The following ANTXR1 variants were observed in gnomAD, a reference collection of about 807,000 sequenced individuals.
ANTXR1 encodes the protein anthrax toxin receptor 1.
ANTXR1 carries 19 observed loss-of-function variants against 78.1 expected under a neutral mutation model. The observed-to-expected ratio is 0.24, with a 90% CI of 0.17 to 0.36. The LOEUF is 0.36. ANTXR1 is among the 10% of genes least tolerant of loss of function. The pLI, the probability that ANTXR1 is intolerant of heterozygous loss-of-function variation, is 1.00. For missense variants in ANTXR1, 518 were observed against 718.6 expected (o/e 0.72, Z 3.19); for synonymous variants, 273 against 260.5 (o/e 1.05, Z -0.46).
chr2:69,019,663 G>T (rs144489054), intron 1 of ANTXR1, among the ~76,000 whole-genome samples: 81 of 152,186 alleles, frequency 5.3e-4, no homozygotes, highest in African/African-American at 2.0e-3. Flanking sequence ...TTGTTGTACA[G>T]ATTATTTCAT....
intron 9 of ANTXR1, among the ~76,000 whole-genome samples, chr2:69,102,546 T>C (rs1671657059): frequency 6.6e-6 from 1 of 152,140 alleles, no homozygotes; most frequent in East Asian, 1.9e-4. Flanking sequence ...CTGGCTAAGA[T>C]TTGAATGGAC....
intron 1 of ANTXR1, 46 bp from the exon 2 acceptor site, chr2:69,039,998 A>T (rs764494656): frequency 6.6e-7 from 1 of 1,503,920 alleles, no homozygotes; most frequent in Non-Finnish European, 9.2e-7. Flanking sequence ...CAAGGTAAAG[A>T]CAAGTAAACA....
At chr2:69,037,897 A>C (rs1273474978) in intron 1 of ANTXR1, among the ~76,000 whole-genome samples, 1 of 152,110 alleles carries the variant, frequency 6.6e-6, no homozygotes, top group Non-Finnish European at 1.5e-5. Flanking sequence ...GGACCCTGGC[A>C]CGCTCCTTCC....
At chr2:69,042,672 A>T (rs1669645248) in intron 2 of ANTXR1, among the ~76,000 whole-genome samples, 1 of 152,172 alleles carries the variant, frequency 6.6e-6, no homozygotes, top group Admixed American at 6.6e-5. Flanking sequence ...ATTTGTCTTT[A>T]AAGACTGGCC....
chr2:69,185,289 C>T (rs1674390182), intron 16 of ANTXR1, among the ~76,000 whole-genome samples: 1 of 152,128 alleles, frequency 6.6e-6, no homozygotes, highest in Admixed American at 6.5e-5. Context: ...GCCTGTAATC[C>T]CAGCATTTTG....
intron 16 of ANTXR1, among the ~76,000 whole-genome samples, chr2:69,189,873 T>C (rs1188855676): frequency 6.6e-6 from 1 of 152,202 alleles, no homozygotes; most frequent in Non-Finnish European, 1.5e-5. Flanking sequence ...TGTTTGACTT[T>C]TTGATAGCTG....
At chr2:69,028,663 G>T (rs531970566) in intron 1 of ANTXR1, among the ~76,000 whole-genome samples, 2 of 152,184 alleles carry the variant, frequency 1.3e-5, no homozygotes, top group African/African-American at 4.8e-5. Flanking sequence ...ATCAATTTTA[G>T]CAAATATATG....
chr2:69,159,309 G>T (rs1040478250), intron 13 of ANTXR1, among the ~76,000 whole-genome samples: 1 of 151,958 alleles, frequency 6.6e-6, no homozygotes, highest in Non-Finnish European at 1.5e-5. Flanking sequence ...ACAGTGACTC[G>T]CACCTATAAT....
intron 12 of ANTXR1, chr2:69,135,142 TA>T (rs1466300850): frequency 3.6e-6 from 1 of 281,072 alleles, no homozygotes; most frequent in African/African-American, 2.2e-5. Flanking sequence ...TTGTAACCCT[TA>T]TATGTATAAA....
chr2:69,069,040 C>A (rs1042730735), intron 3 of ANTXR1, among the ~76,000 whole-genome samples: 6 of 152,254 alleles, frequency 3.9e-5, no homozygotes, highest in South Asian at 4.1e-4. Context: ...TTTCCAAAGT[C>A]TGAGTTACTT....
chr2:69,112,345 G>A (rs1672017827), intron 10 of ANTXR1, among the ~76,000 whole-genome samples: 2 of 152,134 alleles, frequency 1.3e-5, no homozygotes, highest in African/African-American at 4.8e-5. Context: ...GGGTGGAAAG[G>A]ACTTGAACCT....
At chr2:69,193,466 C>T (rs1450811970) in intron 17 of ANTXR1, 51 bp downstream of exon 17, 3 of 650,046 alleles carry the variant, frequency 4.6e-6, no homozygotes, top group Non-Finnish European at 7.4e-6. Flanking sequence ...CTCTCACATA[C>T]ACACACACAC....
chr2:69,064,635 A>G (rs1270629632), intron 3 of ANTXR1, among the ~76,000 whole-genome samples: 1 of 152,220 alleles, frequency 6.6e-6, no homozygotes, highest in Non-Finnish European at 1.5e-5. Context: ...ATATGGTGAT[A>G]GATTAAAAGT....
intron 16 of ANTXR1, 56 bp from the exon 17 acceptor site, chr2:69,193,279 C>T (rs1674584569): frequency 9.9e-6 from 15 of 1,515,762 alleles, no homozygotes; most frequent in Admixed American, 1.7e-5. Context: ...GAGCCTACGG[C>T]GGCTAGCCAC....
chr2:69,032,369 C>A (rs925702441), intron 1 of ANTXR1, among the ~76,000 whole-genome samples: 4 of 152,038 alleles, frequency 2.6e-5, no homozygotes, highest in African/African-American at 9.7e-5. Context: ...GTCTTTCCCT[C>A]CTCTCTACCC....
chr2:69,146,950 G>A (rs888913282), intron 12 of ANTXR1, among the ~76,000 whole-genome samples: 7 of 152,266 alleles, frequency 4.6e-5, no homozygotes, highest in Admixed American at 1.3e-4. Context: ...CAGCAGTCCC[G>A]ACCCTCCTGG....
At chr2:69,227,517 AATT>A (rs1432034004) in intron 17 of ANTXR1, among the ~76,000 whole-genome samples, 1 of 152,202 alleles carries the variant, frequency 6.6e-6, no homozygotes, top group African/African-American at 2.4e-5. Flanking sequence ...TCCTTTCTTG[AATT>A]ATATTATTTA....
intron 1 of ANTXR1, among the ~76,000 whole-genome samples, chr2:69,033,801 T>C (rs1671598818): frequency 6.6e-6 from 1 of 152,230 alleles, no homozygotes; most frequent in Non-Finnish European, 1.5e-5. Flanking sequence ...TCTTTTTCCC[T>C]TTTATTCTAT....
chr2:69,077,303 G>C lies in ANTXR1; in HGVS notation c.562-105G>C, dbSNP rs1670763035. 14 of 1,234,264 alleles carry C rather than the reference G, an allele frequency of 1.1e-5. No individual in the cohort carries two copies. In the South Asian group the frequency reaches 1.7e-4, roughly 15 times the overall value. 76.5% of individuals were successfully genotyped at this position (1,234,264 alleles called of 1,614,324 possible). A position where few individuals can be genotyped will look rare whatever the true frequency, so the allele number is the denominator to read the frequency against. On this transcript the variant is annotated intron_variant, in intron 7 of 17. Coordinates refer to ENST00000303714, the MANE Select transcript of ANTXR1 (RefSeq NM_032208.3). ...CAGTGAAGGCCTCATATTCCCCTGG[G>C]TTCTGAATATAACTAGAGCCCCTTA...
Sources: allele counts gnomAD v4.1 joint callset (sites outside exome capture counted in the v4.1 genomes callset), GRCh38; gene constraint gnomAD v4.1.1; transcripts MANE v1.5; gene names NCBI Gene and HGNC (gene_info 2026-07-23, HGNC 2026-07-21).